HPS5: variants seen among roughly 807,000 people sequenced by gnomAD.
HPS5 encodes the protein BLOC-2 complex member HPS5.
Under a neutral mutation model 128.0 loss-of-function variants are expected in HPS5, and 83 were observed. That is an observed-to-expected ratio of 0.65 (90% CI 0.54 to 0.78). The LOEUF (loss-of-function observed/expected upper bound fraction) is 0.78, where lower values mean the gene tolerates loss of function less well. Among genes scored for constraint, HPS5 ranks in the 30% least tolerant of loss-of-function variants. The pLI is 0.00. For synonymous variants in HPS5, 475 were observed against 470.2 expected, an observed-to-expected ratio of 1.01 and a Z score of -0.13; for missense variants, 1,281 against 1,326.2, an observed-to-expected ratio of 0.97 and a Z score of 0.53.
chr11:18,296,759 G>A, intron 12 of HPS5, 39 bp downstream of exon 12: 1 of 1,575,188 alleles, frequency 6.3e-7, no homozygotes, highest in Non-Finnish European at 8.7e-7. Flanking sequence ...GGAAAATAAT[G>A]GCTTCACATC....
At chr11:18,315,242 C>T (rs762533320) in intron 2 of HPS5, among the ~76,000 whole-genome samples, 1 of 152,168 alleles carries the variant, frequency 6.6e-6, no homozygotes, top group African/African-American at 2.4e-5. Flanking sequence ...TCCCTTTAAC[C>T]TTGTCTCGTT....
At chr11:18,283,503 A>G (rs1410211717) in intron 21 of HPS5, among the ~76,000 whole-genome samples, 1 of 152,014 alleles carries the variant, frequency 6.6e-6, no homozygotes, top group Non-Finnish European at 1.5e-5. Flanking sequence ...AGAGTTTGTT[A>G]TCTCATTTAA....
rs765417786 is a variant in HPS5 at position 18,297,542 on chromosome 11, A to T, written c.1323+17T>A. 85 of 1,610,336 alleles carry T rather than the reference A, an allele frequency of 5.3e-5. 1 individual carries two copies. The highest frequency in any genetic ancestry group is 1.8e-4 in the Middle Eastern group (1 of 5,414). ...AAATCTTACCCTACAAAATCCTTTA[A>T]AGGTGAGAATACTTACATGTGATGA... On this transcript the variant is annotated intron_variant, in intron 11 of 22. Transcript: ENST00000349215.
chr11:18,287,840 A>C (rs1174827235), intron 17 of HPS5, 53 bp downstream of exon 17: 4 of 1,612,342 alleles, frequency 2.5e-6, no homozygotes, highest in Non-Finnish European at 8.5e-7. Flanking sequence ...ACTAAAATAC[A>C]CAAAAAAATG....
In HPS5 at chr11:18,304,158, C is replaced by G. The variant is rs373206561; in HGVS notation, c.896+1264G>C. Among the ~76,000 whole-genome samples the G allele has an allele frequency of 2.1e-4, 31 of 150,666 alleles. No homozygotes were observed. The South Asian group carries it at 5.9e-3, about 29-fold the overall frequency. ...TGGGTAAATAAATAAATGTCTTTCTCTAGTAACTTTCATGAAGAATTATGG... is the reference window on the plus strand; with the variant it reads ...TGGGTAAATAAATAAATGTCTTTCTGTAGTAACTTTCATGAAGAATTATGG... On this transcript the variant is annotated intron_variant, in intron 8 of 22. Transcript: ENST00000349215.
At chr11:18,320,120 A>G (rs936726846) in intron 1 of HPS5, among the ~76,000 whole-genome samples, 11 of 152,192 alleles carry the variant, frequency 7.2e-5, no homozygotes, top group African/African-American at 2.7e-4. Flanking sequence ...AAAGAATTTA[A>G]CAGAAATGAG....
At chr11:18,295,281 TTAG>T in intron 13 of HPS5, 112 bp from the exon 14 acceptor site, 1 of 946,904 alleles carries the variant, frequency 1.1e-6, no homozygotes, top group Non-Finnish European at 1.6e-6. Context: ...CAACTTGGAC[TTAG>T]TAAAGACTGT....
Position 18,306,210 on chromosome 11 carries a change from A to C in HPS5, c.749T>G (p.Phe250Cys). ...RPGSRMWEVN[F>C]DGEVISTHQF... ...ATGTGTACTTATAACTTCTCCATCA[A>C]AGTTCACTTCCCACATCCTAGAGCC... Residue 250 changes from phenylalanine to cysteine, a missense_variant, in exon 7 of 23, where the codon TTT becomes TGT. Coordinates refer to ENST00000349215, the MANE Select transcript of HPS5 (RefSeq NM_181507.2). 1 of 1,614,132 alleles carries C rather than the reference A, an allele frequency of 6.2e-7. No individual in the cohort carries two copies. Among genetic ancestry groups the C allele is most frequent in the Non-Finnish European group, 8.5e-7 (1 of 1,180,012 alleles).
Position 18,310,772 on chromosome 11 carries a change from G to A in HPS5, c.446C>T (p.Ala149Val), listed in dbSNP as rs1267657095. ...TTGTTTAGAAGTATTGAGTTTGATA[G>A]CAGAAACCTTCCCAGCATGATCACC... is the stretch of plus-strand genomic sequence containing the variant. ...FVGDHAGKVS[A>V]IKLNTSKQAK... Residue 149 changes from alanine to valine, a missense_variant, in exon 5 of 23, where the codon GCT becomes GTT. Ala to Val is a moderately conservative substitution (Grantham distance 64). Coordinates refer to ENST00000349215, the MANE Select transcript of HPS5 (RefSeq NM_181507.2). 6.2e-7 allele frequency: 1 copy of A among 1,614,008 alleles called. No individual in the cohort carries two copies. The highest frequency in any genetic ancestry group is 1.1e-5 in the South Asian group (1 of 91,066).
intron 8 of HPS5, among the ~76,000 whole-genome samples, chr11:18,304,506 C>T (rs1206704855): frequency 6.6e-6 from 1 of 152,134 alleles, no homozygotes; most frequent in Non-Finnish European, 1.5e-5. Flanking sequence ...ATGAGCCACA[C>T]CCGGCCTTAT....
In HPS5 at chr11:18,282,143, G is replaced by A; in HGVS notation, c.3136C>T (p.Gln1046Ter). 1.2e-6 allele frequency: 2 copies of A among 1,614,076 alleles called. No homozygotes were observed. Among genetic ancestry groups the A allele is most frequent in the Admixed American group, 1.7e-5 (1 of 60,010 alleles). ...CTGAGGCTCCCATTTAGTGACTCCT[G>A]GGGGGCTGGCCTCGTGCTCTTGCTC... ...IQSKSTRPAP[Q>*]ESLNGSLSDG... The change falls in exon 22 of 23, where the codon CAG (glutamine) becomes TAG (stop). Residue 1046 changes from glutamine (Q) to a stop codon, truncating the protein, a stop_gained. Transcript: ENST00000349215. LOFTEE classifies it high-confidence loss of function.
rs1403493193 is a variant in HPS5, at chr11:18,306,140, A to G, written c.819T>C (p.Thr273=). ...LLSLPPLPVI[T]LRSEPQYDHT... ...CCAGCCATACAAATCGTTACCTGAG[A>G]GTAATCACAGGGAGAGGTGGCAACG... The change falls in exon 7 of 23, where the codon ACT becomes ACC. Residue 273 remains threonine (T), a synonymous_variant. Transcript: ENST00000349215. The G allele has an allele frequency of 6.2e-7, 1 of 1,603,652 alleles. No individual in the cohort carries two copies. The highest frequency in any genetic ancestry group is 8.5e-7 in the Non-Finnish European group (1 of 1,170,410).
In HPS5 at chr11:18,286,579, C is replaced by T; in HGVS notation, c.2837+12G>A. On this transcript the variant is annotated intron_variant, in intron 19 of 22. Coordinates refer to ENST00000349215, the MANE Select transcript of HPS5 (RefSeq NM_181507.2). ...TAAAGAAAAAAACAAAGAAAGAGGACTTCTTCTGTACCTGGGATAACCTTC... is the reference window on the plus strand; with the variant it reads ...TAAAGAAAAAAACAAAGAAAGAGGATTTCTTCTGTACCTGGGATAACCTTC... 1 of 1,613,196 alleles carries T rather than the reference C, an allele frequency of 6.2e-7. No individual in the cohort carries two copies. The highest frequency in any genetic ancestry group is 8.5e-7 in the Non-Finnish European group (1 of 1,179,476).
rs758394300 is a variant in HPS5 at position 18,306,129 on chromosome 11, C to T, written c.824+6G>A. 31 of 1,579,892 alleles carry T rather than the reference C, an allele frequency of 2.0e-5. 1 individual carries two copies. The Admixed American group carries it at 3.3e-4, about 17-fold the overall frequency. ...AACAATCCCAACCAGCCATACAAATCGTTACCTGAGAGTAATCACAGGGAG... is the reference window on the plus strand; with the variant it reads ...AACAATCCCAACCAGCCATACAAATTGTTACCTGAGAGTAATCACAGGGAG... On this transcript the variant is annotated splice_donor_region_variant and intron_variant, in intron 7 of 22. Transcript: ENST00000349215.
intron 4 of HPS5, 32 bp from the exon 5 acceptor site, chr11:18,310,965 G>C: frequency 6.4e-7 from 1 of 1,562,878 alleles, no homozygotes; most frequent in Non-Finnish European, 8.8e-7. Flanking sequence ...GGCAAACGTG[G>C]CAACAGTGAA....
In HPS5 at chr11:18,296,369, G is replaced by A. The variant is rs920258864; in HGVS notation, c.1511-247C>T. The stretch of plus-strand genomic sequence containing the variant: ...TGAGTCCCCATAAGTCAAAAAGGGA[G>A]TTTAGGATCTCTATTATTCTCTTCT... On this transcript the variant is annotated intron_variant, in intron 12 of 22. Transcript: ENST00000349215. The A allele has an allele frequency of 3.1e-5, 17 of 555,518 alleles. No homozygotes were observed. The African/African-American group carries it at 3.2e-4, about 10-fold the overall frequency. 34.4% of individuals were successfully genotyped at this position (555,518 alleles called of 1,614,324 possible).
intron 20 of HPS5, among the ~76,000 whole-genome samples, chr11:18,285,032 T>C (rs1156734490): frequency 6.6e-6 from 1 of 151,992 alleles, no homozygotes; most frequent in Admixed American, 6.6e-5. Flanking sequence ...AGTCTATCAA[T>C]TATAATTGGT....
chr11:18,295,223 A>T, intron 13 of HPS5, 54 bp from the exon 14 acceptor site: 1 of 1,558,714 alleles, frequency 6.4e-7, no homozygotes, highest in Non-Finnish European at 8.7e-7. Context: ...TACTGAGAAA[A>T]CTCAGGTTTT....
intron 2 of HPS5, among the ~76,000 whole-genome samples, chr11:18,316,405 A>G (rs1863632593): frequency 6.6e-6 from 1 of 152,166 alleles, no homozygotes; most frequent in African/African-American, 2.4e-5. Flanking sequence ...ATGAAGAGAC[A>G]GTTTTCTCTT....
Sources: gnomAD v4.1 joint callset for allele counts (sites outside exome capture counted in the v4.1 genomes callset) on GRCh38, gnomAD v4.1.1 for gene constraint, MANE v1.5 for transcripts, NCBI Gene and HGNC (gene_info 2026-07-23, HGNC 2026-07-21) for gene names.